Variants in HYCC1 observed in about 807,000 individuals in gnomAD.
HYCC1 encodes hyccin PI4KA lipid kinase complex subunit 1, also known as hyccin.
chr7:22,932,044 T>C, the HYCC1 span, among the ~76,000 whole-genome samples: 1 of 152,112 alleles, frequency 6.6e-6, no homozygotes, highest in East Asian at 1.9e-4. Flanking sequence ...TGAGAAAATA[T>C]GGTCTGGAGA....
At chr7:22,897,101 C>A in the HYCC1 span, among the ~76,000 whole-genome samples, 1 of 152,082 alleles carries the variant, frequency 6.6e-6, no homozygotes, top group East Asian at 1.9e-4. Context: ...TGAGCAGAGA[C>A]CAAATAAGGT....
At chr7:22,935,948 C>G in the HYCC1 span, 1 of 149,456 alleles carries the variant, frequency 6.7e-6, no homozygotes, top group Non-Finnish European at 1.5e-5. Flanking sequence ...TGCGCCTGGC[C>G]TAGATTTTCA....
the HYCC1 span, chr7:22,985,787 TA>T: frequency 2.0e-5 from 3 of 150,496 alleles, no homozygotes; most frequent in African/African-American, 7.3e-5. Context: ...AGCAGATTCC[TA>T]ATCCTCTGAA....
the HYCC1 span, among the ~76,000 whole-genome samples, chr7:22,922,993 A>G: frequency 2.6e-5 from 4 of 152,238 alleles, no homozygotes; most frequent in African/African-American, 9.6e-5. Flanking sequence ...ACTTTCAATC[A>G]TAGATAGAAC....
the HYCC1 span, among the ~76,000 whole-genome samples, chr7:22,994,026 G>C: frequency 2.6e-5 from 4 of 152,068 alleles, no homozygotes; most frequent in Non-Finnish European, 5.9e-5. Flanking sequence ...TGTTACCCGG[G>C]CTAGAGTGTA....
At chr7:22,996,022 C>T in the HYCC1 span, among the ~76,000 whole-genome samples, 3 of 151,954 alleles carry the variant, frequency 2.0e-5, no homozygotes, top group Admixed American at 6.6e-5. Context: ...TGGCTGGGTG[C>T]GGTGGCTCAC....
the HYCC1 span, among the ~76,000 whole-genome samples, chr7:22,951,601 TTTTATG>T: frequency 4.0e-5 from 6 of 151,886 alleles, no homozygotes; most frequent in Admixed American, 2.6e-4. Context: ...AATATAGTCA[TTTTATG>T]TTTATAATAT....
the HYCC1 span, among the ~76,000 whole-genome samples, chr7:23,011,222 T>C: frequency 5.3e-5 from 8 of 152,226 alleles, no homozygotes; most frequent in African/African-American, 1.9e-4. Flanking sequence ...GCTGCCACTT[T>C]CACCAGGCTA....
chr7:23,012,914 G>T, the HYCC1 span, among the ~76,000 whole-genome samples: 6 of 152,140 alleles, frequency 3.9e-5, no homozygotes, highest in Non-Finnish European at 5.9e-5. Flanking sequence ...TTTGCAAAAG[G>T]TCAGCTTGGC....
the HYCC1 span, among the ~76,000 whole-genome samples, chr7:22,997,822 A>T: frequency 5.9e-5 from 9 of 152,292 alleles, no homozygotes; most frequent in Admixed American, 5.2e-4. Flanking sequence ...CAAAAATCAC[A>T]AAACAAGTGT....
the HYCC1 span, among the ~76,000 whole-genome samples, chr7:22,900,256 T>A: frequency 6.6e-6 from 1 of 152,254 alleles, no homozygotes; most frequent in Non-Finnish European, 1.5e-5. Context: ...GTTAAAATGT[T>A]GGCACACTAA....
chr7:22,932,533 C>T, the HYCC1 span, among the ~76,000 whole-genome samples: 8 of 152,244 alleles, frequency 5.3e-5, no homozygotes, highest in Admixed American at 1.3e-4. Context: ...GAAGCAGATA[C>T]CTTATTTTCT....
chr7:22,971,677 C>CAAAA, the HYCC1 span, among the ~76,000 whole-genome samples: 26 of 91,882 alleles, frequency 2.8e-4, no homozygotes, highest in Non-Finnish European at 4.1e-4. Context: ...CCCCATCTCA[C>CAAAA]AAAAAAAAAA....
At chr7:22,946,840 C>T in the HYCC1 span, 1 of 825,772 alleles carries the variant, frequency 1.2e-6, no homozygotes, top group South Asian at 1.8e-5. Context: ...CATTAAGAGT[C>T]ATTGAGAAAT....
chr7:23,005,424 A>G, the HYCC1 span, among the ~76,000 whole-genome samples: 3 of 152,206 alleles, frequency 2.0e-5, no homozygotes, highest in African/African-American at 7.2e-5. Context: ...CAAAATATTA[A>G]TCATTTGGAC....
At chr7:22,933,926 A>C in the HYCC1 span, among the ~76,000 whole-genome samples, 1 of 152,162 alleles carries the variant, frequency 6.6e-6, no homozygotes, top group Non-Finnish European at 1.5e-5. Flanking sequence ...TCTGGATGAT[A>C]TATTCCTGGT....
At chr7:22,922,741 C>A in the HYCC1 span, among the ~76,000 whole-genome samples, 2 of 151,796 alleles carry the variant, frequency 1.3e-5, no homozygotes, top group Non-Finnish European at 2.9e-5. Context: ...ATGCAAACAG[C>A]AAACATAAAA....
chr7:22,951,121 TAAGAAA>T, the HYCC1 span, among the ~76,000 whole-genome samples: 1 of 151,914 alleles, frequency 6.6e-6, no homozygotes, highest in Non-Finnish European at 1.5e-5. Context: ...CTTCCAGCTT[TAAGAAA>T]AAAAGTGAAG....
chr7:22,994,816 ATC>A, the HYCC1 span, among the ~76,000 whole-genome samples: 1 of 151,906 alleles, frequency 6.6e-6, no homozygotes, highest in Non-Finnish European at 1.5e-5. Context: ...TATTCCCTTC[ATC>A]TCTGTTTATG....
Sources: gnomAD v4.1 joint callset for allele counts (sites outside exome capture counted in the v4.1 genomes callset) on GRCh38, gnomAD v4.1.1 for gene constraint, MANE v1.5 for transcripts, NCBI Gene and HGNC (gene_info 2026-07-23, HGNC 2026-07-21) for gene names.